Variants in KCNIP1 observed in about 807,000 individuals in gnomAD.
KCNIP1 encodes A-type potassium channel modulatory protein KCNIP1.
Under a neutral mutation model 33.0 loss-of-function variants are expected in KCNIP1, and 18 were observed. The ratio of observed to expected loss-of-function variants is 0.55; its 90% CI spans 0.38 to 0.81. KCNIP1 has a LOEUF of 0.81. Among genes scored for constraint, KCNIP1 ranks in the 30% least tolerant of loss-of-function variants. The probability of loss-of-function intolerance (pLI) is 0.00; values close to 1 mark genes in which losing one functional copy is unlikely to be tolerated. For synonymous variants in KCNIP1, 93 were observed against 98.3 expected, an observed-to-expected ratio of 0.95 and a Z score of 0.32; for missense variants, 238 against 271.6, an observed-to-expected ratio of 0.88 and a Z score of 0.87.
intron 1 of KCNIP1, among the ~76,000 whole-genome samples, chr5:170,658,301 G>A (rs752772866): frequency 6.6e-6 from 1 of 152,150 alleles, no homozygotes; most frequent in African/African-American, 2.4e-5. Context: ...CTGGGGGCAG[G>A]TACTCCCTGC....
chr5:170,573,887 G>A (rs577092554), intron 1 of KCNIP1, among the ~76,000 whole-genome samples: 14 of 152,286 alleles, frequency 9.2e-5, no homozygotes, highest in African/African-American at 3.1e-4. Context: ...GCAATGTGAT[G>A]TTAGTGGCTT....
Position 170,390,509 on chromosome 5 carries a change from AAAAAACAAAT to A in KCNIP1, c.88+36547_88+36556del, listed in dbSNP as rs759012232. ...CAGAGCGAGACCCCGTCTCAAAAAA[AAAAAACAAAT>A]ATATATATATATATATATATTTTCA... On this transcript the variant is annotated intron_variant, in intron 1 of 7. Transcript: ENST00000377360. Among the ~76,000 whole-genome samples, 69 of 60,734 alleles carry A rather than the reference AAAAAACAAAT, an allele frequency of 1.1e-3. 4 individuals are homozygous for A. The highest frequency in any genetic ancestry group is 1.9e-3 in the South Asian group (5 of 2,634). The allele number at this position is 60,734 out of a possible 152,430, so 39.8% of individuals were successfully genotyped here. A position where few individuals can be genotyped will look rare whatever the true frequency, so the allele number is the denominator to read the frequency against.
intron 1 of KCNIP1, among the ~76,000 whole-genome samples, chr5:170,367,895 A>C (rs1763737305): frequency 6.6e-6 from 1 of 152,250 alleles, no homozygotes; most frequent in Admixed American, 6.5e-5. Context: ...ACAGCTGTGC[A>C]TACGGACTTT....
chr5:170,503,118 G>T (rs76649991), upstream of KCNIP1, among the ~76,000 whole-genome samples: 29 of 152,234 alleles, frequency 1.9e-4, no homozygotes, highest in East Asian at 5.6e-3. Context: ...GGCCGGGTGG[G>T]GTGGCTCTCG....
intron 1 of KCNIP1, among the ~76,000 whole-genome samples, chr5:170,673,140 GAGTTTT>G (rs1288754525): frequency 6.6e-6 from 1 of 152,220 alleles, no homozygotes; most frequent in Non-Finnish European, 1.5e-5. Flanking sequence ...GATGAATTCT[GAGTTTT>G]AGTAATTCAT....
chr5:170,471,966 G>C (rs942569625), intron 1 of KCNIP1, among the ~76,000 whole-genome samples: 2 of 152,166 alleles, frequency 1.3e-5, no homozygotes, highest in African/African-American at 4.8e-5. Context: ...AGGCATGAAG[G>C]CTATGGGGTG....
chr5:170,504,124 C>A lies in KCNIP1; in HGVS notation c.-449C>A, dbSNP rs954742604. 6.1e-6 allele frequency: 6 copies of A among 991,090 alleles called. No homozygotes were observed. The South Asian group carries it at 2.8e-4, about 46-fold the overall frequency. 61.4% of individuals were successfully genotyped at this position (991,090 alleles called of 1,614,324 possible). ...CTGTTCATTCATGATTGGTACTCGG[C>A]CCTCCGAGACCCAGCCCGAGCGCAG... is the stretch of plus-strand genomic sequence containing the variant. On this transcript the variant is annotated 5_prime_UTR_variant, in exon 1 of 8. Coordinates refer to ENST00000328939, the MANE Select transcript of KCNIP1 (RefSeq NM_014592.4). This position sits in a 1 kb window ranked among gnomAD's most constrained non-coding sequence, Gnocchi z 6.0.
intron 1 of KCNIP1, among the ~76,000 whole-genome samples, chr5:170,558,001 T>G (rs1464796194): frequency 6.6e-6 from 1 of 152,200 alleles, no homozygotes; most frequent in African/African-American, 2.4e-5. Context: ...TGAGGCTGGC[T>G]GTGGTCTACT....
rs112542845 is a variant in KCNIP1, at chr5:170,685,523, C to G, written c.62-33235C>G. ...TATTTGTTTGAGACCGAGTCTCACT[C>G]TGTCGCCCAGGCTGAAGTACAGTGG... On this transcript the variant is annotated intron_variant, in intron 1 of 7. Coordinates refer to ENST00000328939, the MANE Select transcript of KCNIP1 (RefSeq NM_014592.4). 9.0e-3 allele frequency among the ~76,000 whole-genome samples: 1,373 copies of G among 151,884 alleles called. 11 individuals are homozygous for G. The highest frequency in any genetic ancestry group is 0.015 in the Non-Finnish European group (1,052 of 67,950).
chr5:170,735,902 C>A lies in KCNIP1; in HGVS notation c.*96C>A. 9.3e-7 allele frequency: 1 copy of A among 1,081,062 alleles called. No individual in the cohort carries two copies. Among genetic ancestry groups the A allele is most frequent in the South Asian group, 1.3e-5 (1 of 76,640 alleles). 67.0% of individuals were successfully genotyped at this position (1,081,062 alleles called of 1,614,324 possible). On this transcript the variant is annotated 3_prime_UTR_variant, in exon 8 of 8. Coordinates refer to ENST00000328939, the MANE Select transcript of KCNIP1 (RefSeq NM_014592.4). ...CTTGTTCTGATTTTACACACCAACT[C>A]TTGGGACAGAAACACCTTTTACACT...
chr5:170,611,203 C>G (rs912145297), intron 1 of KCNIP1, among the ~76,000 whole-genome samples: 1 of 152,168 alleles, frequency 6.6e-6, no homozygotes, highest in African/African-American at 2.4e-5. Flanking sequence ...GCAGGTGCAT[C>G]AGTTTTTAGA....
chr5:170,438,358 G>A (rs1259998484), intron 1 of KCNIP1, among the ~76,000 whole-genome samples: 9 of 152,220 alleles, frequency 5.9e-5, no homozygotes, highest in African/African-American at 9.7e-5. Flanking sequence ...ACCTCGTGTG[G>A]GGACAGCAGG....
intron 1 of KCNIP1, among the ~76,000 whole-genome samples, chr5:170,546,072 A>G (rs1256877078): frequency 6.6e-6 from 1 of 152,222 alleles, no homozygotes; most frequent in Non-Finnish European, 1.5e-5. Context: ...CAGTTTGAGA[A>G]AGACTGAATC....
chr5:170,494,340 C>T (rs1757269038), intron 1 of KCNIP1, among the ~76,000 whole-genome samples: 1 of 152,300 alleles, frequency 6.6e-6, no homozygotes, highest in Admixed American at 6.5e-5. Flanking sequence ...TACAGGCCAG[C>T]CCAATGCAAG....
At chr5:170,602,056 T>C (rs533689181) in intron 1 of KCNIP1, among the ~76,000 whole-genome samples, 48 of 152,286 alleles carry the variant, frequency 3.2e-4, no homozygotes, top group African/African-American at 1.2e-3. Context: ...TCAGAGACCC[T>C]AGAATCCCAG....
At chr5:170,612,229 C>G (rs1759191172) in intron 1 of KCNIP1, among the ~76,000 whole-genome samples, 1 of 152,206 alleles carries the variant, frequency 6.6e-6, no homozygotes, top group African/African-American at 2.4e-5. Flanking sequence ...GGAGTGGGTC[C>G]CACTCTAGGC....
chr5:170,554,725 A>G (rs1367167527), intron 1 of KCNIP1, among the ~76,000 whole-genome samples: 1 of 152,080 alleles, frequency 6.6e-6, no homozygotes, highest in East Asian at 1.9e-4. Context: ...GCTCCATGTA[A>G]TCCGTCTGCC....
intron 1 of KCNIP1, among the ~76,000 whole-genome samples, chr5:170,462,976 G>T (rs1756537858): frequency 6.6e-6 from 1 of 152,154 alleles, no homozygotes; most frequent in Admixed American, 6.5e-5. Context: ...GGGGGAGAGG[G>T]TGGGGAGTGG....
intron 1 of KCNIP1, among the ~76,000 whole-genome samples, chr5:170,551,070 GCACT>G (rs1561682191): frequency 1.3e-5 from 2 of 152,116 alleles, no homozygotes; most frequent in Admixed American, 6.5e-5. Context: ...GGGTACAGGC[GCACT>G]CACTCACTCC....
Sources: allele counts gnomAD v4.1 joint callset (sites outside exome capture counted in the v4.1 genomes callset), GRCh38; gene constraint gnomAD v4.1.1; non-coding constraint Gnocchi (gnomAD v3.1); transcripts MANE v1.5; gene names NCBI Gene and HGNC (gene_info 2026-07-23, HGNC 2026-07-21).